Variants in MAGI2 observed in about 807,000 individuals in gnomAD.
The protein encoded by MAGI2 is membrane-associated guanylate kinase, WW and PDZ domain-containing protein 2.
Under a neutral mutation model 133.3 loss-of-function variants are expected in MAGI2, and 35 were observed. The observed-to-expected ratio is 0.26, with a 90% CI of 0.20 to 0.35. MAGI2 has a LOEUF of 0.35. Among genes scored for constraint, MAGI2 ranks in the 10% least tolerant of loss-of-function variants. MAGI2 has a pLI of 1.00. For missense variants in MAGI2, 1,636 were observed against 1,863.4 expected (o/e 0.88, Z 2.25); for synonymous variants, 729 against 710.6 (o/e 1.03, Z -0.41).
At chr7:78,399,260 A>G (rs972578293) in intron 6 of MAGI2, among the ~76,000 whole-genome samples, 2 of 152,178 alleles carry the variant, frequency 1.3e-5, no homozygotes, top group African/African-American at 4.8e-5. Flanking sequence ...GCACACACAC[A>G]CACCCAGAAA....
At chr7:78,768,204 G>A (rs1215637500) in intron 2 of MAGI2, among the ~76,000 whole-genome samples, 1 of 152,134 alleles carries the variant, frequency 6.6e-6, no homozygotes, top group Non-Finnish European at 1.5e-5. Context: ...ATTTCTCTGG[G>A]TAAAACCACC....
In MAGI2 at chr7:78,080,132, T is replaced by G. The variant is rs533447672; in HGVS notation, c.3568-1047A>C. Among the ~76,000 whole-genome samples the G allele has an allele frequency of 5.3e-5, 8 of 152,298 alleles. No homozygotes were observed. The South Asian group carries it at 1.7e-3, about 32-fold the overall frequency. On this transcript the variant is annotated intron_variant, in intron 20 of 21. Transcript: ENST00000354212. ...TGGCTGAGAATAGGAACACAAATTT[T>G]CCATCACAATGGCAGGAGAGCCTGA...
intron 3 of MAGI2, among the ~76,000 whole-genome samples, chr7:78,562,683 T>C (rs2150742380): frequency 6.6e-6 from 1 of 152,272 alleles, no homozygotes. Context: ...GTCACTGAAA[T>C]CTGATAATTG....
intron 16 of MAGI2, among the ~76,000 whole-genome samples, chr7:78,139,817 G>T (rs1049623292): frequency 2.6e-4 from 39 of 152,098 alleles, no homozygotes; most frequent in Admixed American, 8.5e-4. Context: ...ATGGAAAAAA[G>T]AAACCCAGCT....
intron 6 of MAGI2, among the ~76,000 whole-genome samples, chr7:78,475,250 A>T (rs1021265888): frequency 6.6e-6 from 1 of 152,002 alleles, no homozygotes; most frequent in Non-Finnish European, 1.5e-5. Context: ...CAAGAAAAAA[A>T]ATTAAATGGA....
intron 9 of MAGI2, among the ~76,000 whole-genome samples, chr7:78,284,025 TCAG>T (rs1427870286): frequency 1.3e-5 from 2 of 152,044 alleles, no homozygotes; most frequent in African/African-American, 4.8e-5. Context: ...AATAAATGCC[TCAG>T]TACCACAAGG....
intron 14 of MAGI2, among the ~76,000 whole-genome samples, 170 bp downstream of exon 14, chr7:78,177,841 C>T (rs61655566): frequency 2.6e-5 from 4 of 151,946 alleles, no homozygotes; most frequent in Non-Finnish European, 1.5e-5. Context: ...AACTGCATGT[C>T]GTGAGATCTT....
intron 2 of MAGI2, among the ~76,000 whole-genome samples, chr7:78,759,824 T>C (rs1364267793): frequency 6.6e-6 from 1 of 152,190 alleles, no homozygotes; most frequent in African/African-American, 2.4e-5. Context: ...ATTTTCAAGT[T>C]AGTTCTTTAA....
intron 2 of MAGI2, among the ~76,000 whole-genome samples, chr7:78,748,195 A>G (rs927415356): frequency 2.6e-5 from 4 of 152,156 alleles, no homozygotes; most frequent in Non-Finnish European, 5.9e-5. Flanking sequence ...AAGTATTCAA[A>G]TCTTCCCTCG....
chr7:78,466,642 T>C (rs1790663594), intron 6 of MAGI2, among the ~76,000 whole-genome samples: 1 of 152,158 alleles, frequency 6.6e-6, no homozygotes, highest in Non-Finnish European at 1.5e-5. Context: ...GAAACCTGGC[T>C]GGAAAGTAAA....
intron 10 of MAGI2, chr7:78,252,458 T>C (rs1160672544): frequency 8.1e-6 from 1 of 123,898 alleles, no homozygotes; most frequent in Non-Finnish European, 1.6e-5. Flanking sequence ...TGATTGGATG[T>C]ACATAAGCAA....
intron 1 of MAGI2, among the ~76,000 whole-genome samples, chr7:79,268,054 T>C (rs1429790437): frequency 2.0e-5 from 3 of 152,292 alleles, no homozygotes; most frequent in Admixed American, 6.5e-5. Flanking sequence ...GGGAGGAGAC[T>C]GAAGGCCATT....
At chr7:79,166,533 C>T (rs1166699644) in intron 1 of MAGI2, among the ~76,000 whole-genome samples, 2 of 152,008 alleles carry the variant, frequency 1.3e-5, no homozygotes, top group African/African-American at 2.4e-5. Flanking sequence ...ACTCTCAACC[C>T]GTGGAAATTG....
At chr7:79,433,704 C>T (rs921574239) in intron 1 of MAGI2, among the ~76,000 whole-genome samples, 1 of 151,990 alleles carries the variant, frequency 6.6e-6, no homozygotes, top group Non-Finnish European at 1.5e-5. Flanking sequence ...TAAATTGTTG[C>T]CCCTAAGTAA....
chr7:78,288,298 T>A (rs774593609), intron 9 of MAGI2, among the ~76,000 whole-genome samples: 2 of 152,168 alleles, frequency 1.3e-5, no homozygotes, highest in African/African-American at 2.4e-5. Context: ...AATAATAAAA[T>A]CATACCTCCT....
At chr7:78,886,695 T>A (rs1048678029) in intron 2 of MAGI2, among the ~76,000 whole-genome samples, 1 of 152,236 alleles carries the variant, frequency 6.6e-6, no homozygotes, top group Non-Finnish European at 1.5e-5. Context: ...TTTTATGTAA[T>A]GTTTTTAGTA....
At chr7:79,357,766 T>G (rs1842120217) in intron 1 of MAGI2, among the ~76,000 whole-genome samples, 1 of 152,166 alleles carries the variant, frequency 6.6e-6, no homozygotes, top group Admixed American at 6.5e-5. Context: ...TACCTACCAT[T>G]GCCATTTACT....
intron 2 of MAGI2, among the ~76,000 whole-genome samples, chr7:78,880,048 A>C (rs768396911): frequency 1.3e-5 from 2 of 152,134 alleles, no homozygotes; most frequent in Non-Finnish European, 2.9e-5. Context: ...AAAATGAACA[A>C]AGTCTTTGAG....
At chr7:78,648,922 T>C (rs890560220) in intron 2 of MAGI2, among the ~76,000 whole-genome samples, 9 of 152,114 alleles carry the variant, frequency 5.9e-5, no homozygotes, top group African/African-American at 2.2e-4. Flanking sequence ...ACTTGTTACA[T>C]TGCAGGTCTA....
Sources: gnomAD v4.1 joint callset for allele counts (sites outside exome capture counted in the v4.1 genomes callset) on GRCh38, gnomAD v4.1.1 for gene constraint, MANE v1.5 for transcripts, NCBI Gene and HGNC (gene_info 2026-07-23, HGNC 2026-07-21) for gene names.